HNF4G: variants seen among roughly 807,000 people sequenced by gnomAD.
The protein encoded by HNF4G is hepatocyte nuclear factor 4 gamma.
A neutral mutation model predicts 50.9 loss-of-function variants in HNF4G; 21 were observed. The observed-to-expected ratio is 0.41, with a 90% CI of 0.29 to 0.59. The LOEUF (loss-of-function observed/expected upper bound fraction) is 0.59, where lower values mean the gene tolerates loss of function less well. Ranked by LOEUF, HNF4G falls within the 20% of genes least tolerant of loss-of-function variation. The pLI, the probability that HNF4G is intolerant of heterozygous loss-of-function variation, is 0.26. For synonymous variants in HNF4G, 198 were observed against 185.6 expected (o/e 1.07, Z -0.54); for missense variants, 527 against 559.4 (o/e 0.94, Z 0.58).
At chr8:75,430,584 T>G (rs1810991819) in intron 1 of HNF4G, among the ~76,000 whole-genome samples, 1 of 150,464 alleles carries the variant, frequency 6.6e-6, no homozygotes. Flanking sequence ...AAAGGAAAGT[T>G]TCACCAGAAG....
At chr8:75,430,497 AGAGAGG>A (rs1177772815) in intron 1 of HNF4G, among the ~76,000 whole-genome samples, 7 of 144,142 alleles carry the variant, frequency 4.9e-5, no homozygotes, top group East Asian at 4.2e-4. Flanking sequence ...AGAGAGAGAG[AGAGAGG>A]GAGAGAGAGA....
intron 2 of HNF4G, among the ~76,000 whole-genome samples, chr8:75,532,353 T>C (rs942055462): frequency 6.6e-6 from 1 of 152,126 alleles, no homozygotes; most frequent in Non-Finnish European, 1.5e-5. Flanking sequence ...TAAAAAATAA[T>C]AATGATTAAT....
chr8:75,526,320 A>G (rs1806179974), intron 2 of HNF4G, among the ~76,000 whole-genome samples: 1 of 152,006 alleles, frequency 6.6e-6, no homozygotes, highest in African/African-American at 2.4e-5. Context: ...GACCTGAGCC[A>G]CTGCACCTGG....
chr8:75,461,572 G>A (rs7008401), intron 1 of HNF4G, among the ~76,000 whole-genome samples: 18,890 of 152,096 alleles, frequency 0.12, 1,618 homozygotes, highest in African/African-American at 0.25. Context: ...TAGGGCAACT[G>A]TGAGAGGCCA....
At chr8:75,550,310 C>CT (rs918082647) in intron 3 of HNF4G, among the ~76,000 whole-genome samples, 6 of 151,056 alleles carry the variant, frequency 4.0e-5, no homozygotes, top group Middle Eastern at 3.4e-3. Context: ...CTCTCTCTCT[C>CT]TTTTTTTTTA....
chr8:75,434,607 G>GGA, intron 1 of HNF4G, among the ~76,000 whole-genome samples: 1 of 150,364 alleles, frequency 6.7e-6, no homozygotes, highest in Non-Finnish European at 1.5e-5. Context: ...TGAAAAATAG[G>GGA]GAGTGAAAAA....
In HNF4G at chr8:75,423,825, T is replaced by C. The variant is rs1450877218; in HGVS notation, c.-144+15663T>C. 5.9e-3 allele frequency among the ~76,000 whole-genome samples: 715 copies of C among 121,158 alleles called. 10 individuals are homozygous for C. The highest frequency in any genetic ancestry group is 0.021 in the African/African-American group (648 of 30,550). 79.5% of individuals were successfully genotyped at this position (121,158 alleles called of 152,430 possible). A position where few individuals can be genotyped will look rare whatever the true frequency, so the allele number is the denominator to read the frequency against. On this transcript the variant is annotated intron_variant, in intron 1 of 10. Coordinates refer to the HNF4G transcript ENST00000354370. The stretch of plus-strand genomic sequence containing the variant: ...CTGCCAAGTTTCTTTCTTTTTTTTT[T>C]TTTTTTTTTTTTTTTTTGATAAGGA...
At chr8:75,437,146 G>T (rs1811159181) in intron 1 of HNF4G, among the ~76,000 whole-genome samples, 2 of 152,120 alleles carry the variant, frequency 1.3e-5, no homozygotes, top group Admixed American at 1.3e-4. Context: ...CATTGCCCAT[G>T]ACCAACAAAG....
At chr8:75,512,236 A>T (rs1471067427) in intron 2 of HNF4G, among the ~76,000 whole-genome samples, 2 of 151,776 alleles carry the variant, frequency 1.3e-5, no homozygotes, top group East Asian at 3.9e-4. Context: ...AAGAAAAGCA[A>T]TGCTAGCAGC....
chr8:75,426,762 GA>G (rs1208329661), intron 1 of HNF4G, among the ~76,000 whole-genome samples: 1 of 152,202 alleles, frequency 6.6e-6, no homozygotes, highest in African/African-American at 2.4e-5. Context: ...TTAGTGAAAA[GA>G]ATAGATGCGA....
At chr8:75,422,391 C>T (rs1179740847) in intron 1 of HNF4G, among the ~76,000 whole-genome samples, 1 of 152,274 alleles carries the variant, frequency 6.6e-6, no homozygotes, top group Non-Finnish European at 1.5e-5. Flanking sequence ...AGTGCTTGTT[C>T]AGCTACTGTT....
chr8:75,527,477 T>C (rs1389883998), intron 2 of HNF4G, among the ~76,000 whole-genome samples: 1 of 152,198 alleles, frequency 6.6e-6, no homozygotes, highest in African/African-American at 2.4e-5. Flanking sequence ...CACAATGACT[T>C]TGTAAAAAAA....
intron 1 of HNF4G, among the ~76,000 whole-genome samples, chr8:75,466,238 A>G (rs1233173380): frequency 6.6e-6 from 1 of 152,126 alleles, no homozygotes; most frequent in African/African-American, 2.4e-5. Flanking sequence ...TTATTTTGTT[A>G]ATACATTCTG....
At chr8:75,529,030 T>A (rs28378609) in intron 2 of HNF4G, among the ~76,000 whole-genome samples, 1 of 151,884 alleles carries the variant, frequency 6.6e-6, no homozygotes, top group African/African-American at 2.4e-5. Flanking sequence ...CTAACGCCTG[T>A]AATCCCAGCA....
chr8:75,417,120 C>T (rs928599012), intron 1 of HNF4G, among the ~76,000 whole-genome samples: 6 of 46,724 alleles, frequency 1.3e-4, no homozygotes, highest in African/African-American at 3.8e-4. Context: ...CACGCGTGTG[C>T]GCACACACAC....
At chr8:75,459,157 T>C (rs2130601115) in intron 1 of HNF4G, among the ~76,000 whole-genome samples, 1 of 152,308 alleles carries the variant, frequency 6.6e-6, no homozygotes, top group African/African-American at 2.4e-5. Flanking sequence ...TCCTATTCCG[T>C]AGTAGGAAGG....
chr8:75,463,535 T>A (rs1332146161), intron 1 of HNF4G, among the ~76,000 whole-genome samples: 1 of 152,174 alleles, frequency 6.6e-6, no homozygotes, highest in East Asian at 1.9e-4. Flanking sequence ...GACATTTATA[T>A]TTTAAATTTT....
At chr8:75,409,309 T>A (rs1004553441) in intron 1 of HNF4G, among the ~76,000 whole-genome samples, 2 of 152,144 alleles carry the variant, frequency 1.3e-5, no homozygotes, top group African/African-American at 4.8e-5. Context: ...AAGTGCTTTA[T>A]GAAGGTTCAA....
intron 1 of HNF4G, among the ~76,000 whole-genome samples, chr8:75,540,314 C>A (rs1225625294): frequency 6.6e-6 from 1 of 152,080 alleles, no homozygotes; most frequent in Non-Finnish European, 1.5e-5. Context: ...AAAGTAATGT[C>A]AGAATTCTGT....
Sources: gnomAD v4.1 joint callset for allele counts (sites outside exome capture counted in the v4.1 genomes callset) on GRCh38, gnomAD v4.1.1 for gene constraint, MANE v1.5 for transcripts, NCBI Gene and HGNC (gene_info 2026-07-23, HGNC 2026-07-21) for gene names.